Variants in STK32B observed in about 807,000 individuals in gnomAD.
The protein encoded by STK32B is serine/threonine-protein kinase 32B.
A neutral mutation model predicts 52.6 loss-of-function variants in STK32B; 43 were observed. That is an observed-to-expected ratio of 0.82 (90% CI 0.64 to 1.05). The LOEUF (loss-of-function observed/expected upper bound fraction) is 1.05. Among genes scored for constraint, STK32B ranks in the 50% least tolerant of loss-of-function variants. The pLI is 0.00. For synonymous variants in STK32B, 238 were observed against 204.3 expected (o/e 1.17, Z -1.41); for missense variants, 621 against 534.6 (o/e 1.16, Z -1.59).
intron 3 of STK32B, among the ~76,000 whole-genome samples, chr4:5,190,502 A>C (rs538636978): frequency 3.3e-5 from 5 of 152,144 alleles, no homozygotes; most frequent in Non-Finnish European, 7.4e-5. Context: ...ATTTGGTGTC[A>C]TGGGTTCATT....
intron 1 of STK32B, among the ~76,000 whole-genome samples, chr4:5,083,880 C>T (rs1399820647): frequency 6.6e-6 from 1 of 151,958 alleles, no homozygotes; most frequent in Non-Finnish European, 1.5e-5. Context: ...AGGTTAAAAG[C>T]ACCCGCCACC....
chr4:5,339,572 C>T (rs867742961), intron 4 of STK32B, among the ~76,000 whole-genome samples: 46 of 152,158 alleles, frequency 3.0e-4, no homozygotes, highest in Admixed American at 1.7e-3. Context: ...TGCGTATGTA[C>T]CAGACACTTT....
At chr4:5,465,969 G>A (rs1560438450) in intron 9 of STK32B, among the ~76,000 whole-genome samples, 1 of 152,214 alleles carries the variant, frequency 6.6e-6, no homozygotes, top group Non-Finnish European at 1.5e-5. Context: ...GAGTCCCAAG[G>A]AAGTCATGAA....
intron 3 of STK32B, among the ~76,000 whole-genome samples, chr4:5,195,768 TAAC>T (rs1263194043): frequency 1.3e-5 from 2 of 152,182 alleles, no homozygotes; most frequent in Non-Finnish European, 2.9e-5. Flanking sequence ...TGGGAAGGCT[TAAC>T]AACATCACAG....
At chr4:5,098,396 A>G (rs2108790402) in intron 1 of STK32B, among the ~76,000 whole-genome samples, 1 of 152,350 alleles carries the variant, frequency 6.6e-6, no homozygotes, top group African/African-American at 2.4e-5. Context: ...TGAGATTGAA[A>G]GTTATTTCCT....
At chr4:5,213,131 C>T (rs899485402) in intron 3 of STK32B, among the ~76,000 whole-genome samples, 1 of 152,186 alleles carries the variant, frequency 6.6e-6, no homozygotes, top group Non-Finnish European at 1.5e-5. Flanking sequence ...TTGCTTTTCA[C>T]TGTGATTTAA....
At chr4:5,068,632 A>G (rs1233580716) in intron 1 of STK32B, among the ~76,000 whole-genome samples, 1 of 152,100 alleles carries the variant, frequency 6.6e-6, no homozygotes. Context: ...AATAATTTGC[A>G]TCCCACCTGC....
intron 1 of STK32B, among the ~76,000 whole-genome samples, chr4:5,089,818 C>G (rs1433073311): frequency 6.6e-6 from 1 of 152,146 alleles, no homozygotes; most frequent in East Asian, 1.9e-4. Context: ...GCATTCCCAC[C>G]AACAGTGTAA....
At chr4:5,019,630 C>A in the STK32B span, among the ~76,000 whole-genome samples, 3 of 152,210 alleles carry the variant, frequency 2.0e-5, no homozygotes, top group South Asian at 6.2e-4. Context: ...GACACGAAAG[C>A]CCCAGGTTAA....
At chr4:5,274,086 A>G (rs1727637070) in intron 3 of STK32B, among the ~76,000 whole-genome samples, 1 of 152,204 alleles carries the variant, frequency 6.6e-6, no homozygotes. Context: ...TATTCCACAC[A>G]ATCTCAATCA....
intron 3 of STK32B, among the ~76,000 whole-genome samples, chr4:5,238,753 C>A (rs556376608): frequency 8.3e-4 from 127 of 152,188 alleles, no homozygotes; most frequent in Non-Finnish European, 1.2e-3. Flanking sequence ...TCATTCATTC[C>A]TTCACTCACT....
At chr4:5,047,666 G>A (rs939010467), upstream of STK32B, among the ~76,000 whole-genome samples, 1 of 152,136 alleles carries the variant, frequency 6.6e-6, no homozygotes, top group Non-Finnish European at 1.5e-5. Flanking sequence ...TGGCTGCCCT[G>A]CAGGGCTCCT....
At chr4:5,317,080 A>ATATATATGATATAATATATAT (rs1731012467) in intron 3 of STK32B, among the ~76,000 whole-genome samples, 1 of 31,504 alleles carries the variant, frequency 3.2e-5, no homozygotes. Flanking sequence ...ATTATATATT[A>ATATATATGATATAATATATAT]TATATATAAT....
At chr4:5,307,410 C>A (rs967218849) in intron 3 of STK32B, among the ~76,000 whole-genome samples, 2 of 152,072 alleles carry the variant, frequency 1.3e-5, no homozygotes, top group African/African-American at 4.8e-5. Flanking sequence ...GTTCTTTCTT[C>A]TACTTGTTCA....
chr4:5,187,346 T>G (rs945175142), intron 3 of STK32B, among the ~76,000 whole-genome samples: 1 of 152,174 alleles, frequency 6.6e-6, no homozygotes, highest in African/African-American at 2.4e-5. Context: ...ACCTATTCAG[T>G]AATAGTAGTA....
intron 2 of STK32B, among the ~76,000 whole-genome samples, chr4:5,156,114 G>A (rs1377923652): frequency 2.0e-5 from 3 of 150,914 alleles, no homozygotes; most frequent in Non-Finnish European, 3.0e-5. Context: ...TACACTCAAT[G>A]TATATGTATA....
Position 5,161,824 on chromosome 4 carries a change from T to C in STK32B, c.109-6475T>C, listed in dbSNP as rs1718468691. 3.9e-5 allele frequency among the ~76,000 whole-genome samples: 6 copies of C among 152,134 alleles called. No homozygotes were observed. The South Asian group carries it at 1.2e-3, about 32-fold the overall frequency. ...CTCTTTAGTAACCATATTTAATTGT[T>C]TTTCTTCCCCCTACCCCCACCCACC... On this transcript the variant is annotated intron_variant, in intron 2 of 11. Coordinates refer to ENST00000282908, the MANE Select transcript of STK32B (RefSeq NM_018401.3).
intron 3 of STK32B, among the ~76,000 whole-genome samples, chr4:5,214,537 A>G (rs950090674): frequency 2.0e-4 from 30 of 152,134 alleles, no homozygotes; most frequent in African/African-American, 6.0e-4. Context: ...AGTGCCATCT[A>G]TCATTTCCTT....
At chr4:5,282,914 G>C (rs1002705971) in intron 3 of STK32B, among the ~76,000 whole-genome samples, 1 of 151,972 alleles carries the variant, frequency 6.6e-6, no homozygotes, top group Admixed American at 6.6e-5. Context: ...GTTGACCGTG[G>C]GTAACTGAAA....
Sources: gnomAD v4.1 joint callset for allele counts (sites outside exome capture counted in the v4.1 genomes callset) on GRCh38, gnomAD v4.1.1 for gene constraint, MANE v1.5 for transcripts, NCBI Gene and HGNC (gene_info 2026-07-23, HGNC 2026-07-21) for gene names.